The following STC1 variants were observed in gnomAD, a reference collection of about 807,000 sequenced individuals.
STC1 encodes stanniocalcin-1.
Under a neutral mutation model 22.6 loss-of-function variants are expected in STC1, and 7 were observed. The ratio of observed to expected loss-of-function variants is 0.31; its 90% CI spans 0.18 to 0.58. STC1 has a LOEUF of 0.58. Ranked by LOEUF, STC1 falls within the 20% of genes least tolerant of loss-of-function variation. The probability of loss-of-function intolerance (pLI) is 0.89; values close to 1 mark genes in which losing one functional copy is unlikely to be tolerated. For missense variants in STC1, 224 were observed against 311.0 expected, an observed-to-expected ratio of 0.72 and a Z score of 2.10; for synonymous variants, 113 against 120.7, an observed-to-expected ratio of 0.94 and a Z score of 0.42.
In STC1 at chr8:23,854,711, TGCTGCTGCTGCCGCC is replaced by T; in HGVS notation, c.-203_-189del. 1 of 682,020 alleles carries T rather than the reference TGCTGCTGCTGCCGCC, an allele frequency of 1.5e-6. No homozygotes were observed. The highest frequency in any genetic ancestry group is 2.7e-6 in the Non-Finnish European group (1 of 371,972). 42.2% of individuals were successfully genotyped at this position (682,020 alleles called of 1,614,324 possible). ...CTGCTGCCACCGGTGCCTCCGCTGC[TGCTGCTGCTGCCGCC>T]GCTGCTGCTGCTGCTGCCACCGCCG... On this transcript the variant is annotated 5_prime_UTR_variant, in exon 1 of 4. Transcript: ENST00000290271.
rs1044897348 is a variant in STC1 at position 23,842,949 on chromosome 8, G to C, written c.*1821C>G. 2 of 152,768 alleles carry C rather than the reference G, an allele frequency of 1.3e-5. No individual in the cohort carries two copies. Among genetic ancestry groups the C allele is most frequent in the Non-Finnish European group, 2.9e-5 (2 of 68,086 alleles). The allele number at this position is 152,768 out of a possible 1,614,324, so 9.5% of individuals were successfully genotyped here. On this transcript the variant is annotated 3_prime_UTR_variant, in exon 4 of 4. Transcript: ENST00000290271. ...GTTTTAAAGGCTTTATGGTAAAGTT[G>C]TATTGCTTTTCATTTTTCTGGAGAT...
Position 23,844,765 on chromosome 8 carries a change from C to G in STC1, c.*5G>C, listed in dbSNP as rs758551975. 1 of 1,612,450 alleles carries G rather than the reference C, an allele frequency of 6.2e-7. No homozygotes were observed. Among genetic ancestry groups the G allele is most frequent in the East Asian group, 2.2e-5 (1 of 44,824 alleles). On this transcript the variant is annotated 3_prime_UTR_variant, in exon 4 of 4. Coordinates refer to ENST00000290271, the MANE Select transcript of STC1 (RefSeq NM_003155.3). ...TTGGTGAGGTTGTGAATAACCTCTC[C>G]CTGGTTATGCACTCTCATGGGATGT...
chr8:23,854,466 C>T lies in STC1; in HGVS notation c.58G>A (p.Glu20Lys). The change falls in exon 1 of 4, where the codon GAG (glutamate) becomes AAG (lysine). Residue 20 changes from glutamate (E) to lysine (K), a missense_variant. Coordinates refer to ENST00000290271, the MANE Select transcript of STC1 (RefSeq NM_003155.3). ...VLVISASATH[E>K]AEQNDSVSPR... Reference sequence around the variant, plus strand: ...CTCACAGAGTCATTCTGCTCCGCCTCATGGGTTGCAGAAGCACTGATCACC... The same window carrying T: ...CTCACAGAGTCATTCTGCTCCGCCTTATGGGTTGCAGAAGCACTGATCACC... The T allele has an allele frequency of 1.2e-6, 2 of 1,614,152 alleles. No homozygotes were observed. The highest frequency in any genetic ancestry group is 2.2e-5 in the East Asian group (1 of 44,876).
At chr8:23,854,127 C>A in intron 1 of STC1, 2 of 1,255,956 alleles carry the variant, frequency 1.6e-6, no homozygotes, top group Non-Finnish European at 2.0e-6. Context: ...CACCCCTCCC[C>A]CTCCAAGAGG....
chr8:23,854,580 C>G lies in STC1; in HGVS notation c.-57G>C, dbSNP rs1243718719. The G allele has an allele frequency of 1.5e-6, 2 of 1,364,272 alleles. No individual in the cohort carries two copies. The highest frequency in any genetic ancestry group is 2.9e-5 in the African/African-American group (2 of 69,656). 84.5% of individuals were successfully genotyped at this position (1,364,272 alleles called of 1,614,324 possible). A position where few individuals can be genotyped will look rare whatever the true frequency, so the allele number is the denominator to read the frequency against. On this transcript the variant is annotated 5_prime_UTR_variant, in exon 1 of 4. Transcript: ENST00000290271. ...TTTTTTTTTTTCCTGCCCCCCTTTC[C>G]TCTTTCCCTCTCCTGGCTTGAGTGA...
Position 23,854,553 on chromosome 8 carries a change from GTTT to G in STC1, c.-33_-31del, listed in dbSNP as rs5890129. The G allele has an allele frequency of 1.1e-5, 15 of 1,327,010 alleles. No individual in the cohort carries two copies. Among genetic ancestry groups the G allele is most frequent in the Non-Finnish European group, 1.5e-5 (14 of 963,892 alleles). The allele number at this position is 1,327,010 out of a possible 1,614,324, so 82.2% of individuals were successfully genotyped here. On this transcript the variant is annotated 5_prime_UTR_variant, in exon 1 of 4. Coordinates refer to ENST00000290271, the MANE Select transcript of STC1 (RefSeq NM_003155.3). ...TGAGAAGTTTCCGCTAAGTTGTTGGGTTTTTTTTTTTTCCTGCCCCCCTTTCCT... is the reference window on the plus strand; with the variant it reads ...TGAGAAGTTTCCGCTAAGTTGTTGGGTTTTTTTTTCCTGCCCCCCTTTCCT...
rs950120529 is a variant in STC1 at position 23,854,748 on chromosome 8, G to A, written c.-225C>T. ...CGCCGCTGCTGCTGCTGCTGCCACC[G>A]CCGCTGCTGCTGCTGCTGCTGCAGT... On this transcript the variant is annotated 5_prime_UTR_variant, in exon 1 of 4. Coordinates refer to ENST00000290271, the MANE Select transcript of STC1 (RefSeq NM_003155.3). 7.8e-6 allele frequency: 5 copies of A among 643,896 alleles called. No homozygotes were observed. The highest frequency in any genetic ancestry group is 2.8e-4 in the Middle Eastern group (1 of 3,578). The allele number at this position is 643,896 out of a possible 1,614,324, so 39.9% of individuals were successfully genotyped here.
At chr8:23,847,996 T>C (rs1216859274) in intron 3 of STC1, among the ~76,000 whole-genome samples, 1 of 152,226 alleles carries the variant, frequency 6.6e-6, no homozygotes, top group Non-Finnish European at 1.5e-5. Flanking sequence ...ACATGAGTTC[T>C]AAGCCCAACT....
At chr8:23,848,744 A>G (rs944315774) in intron 3 of STC1, among the ~76,000 whole-genome samples, 2 of 151,702 alleles carry the variant, frequency 1.3e-5, no homozygotes, top group African/African-American at 4.8e-5. Flanking sequence ...GATATTCTCC[A>G]TAGCTACTGT....
intron 1 of STC1, among the ~76,000 whole-genome samples, chr8:23,853,237 C>T (rs554075058): frequency 1.3e-5 from 2 of 152,304 alleles, no homozygotes; most frequent in South Asian, 2.1e-4. Flanking sequence ...GAATGATCTG[C>T]AGCCTTCATG....
intron 3 of STC1, 114 bp downstream of exon 3, chr8:23,851,206 A>C: frequency 9.9e-7 from 1 of 1,011,496 alleles, no homozygotes; most frequent in Non-Finnish European, 1.5e-6. Flanking sequence ...GGAAGACTGC[A>C]AGCTAAAATA....
Position 23,842,694 on chromosome 8 carries a change from G to A in STC1, c.*2076C>T, listed in dbSNP as rs956592542. The A allele has an allele frequency of 6.6e-6, 1 of 152,398 alleles. No individual in the cohort carries two copies. The highest frequency in any genetic ancestry group is 6.6e-5 in the Admixed American group (1 of 15,248). 9.4% of individuals were successfully genotyped at this position (152,398 alleles called of 1,614,324 possible). Reference sequence around the variant, plus strand: ...TGGGGGTGGGAAGTGTGGGAGGGAGGGGAAGAGTCTAACTTAGAATATGGT... The same window carrying A: ...TGGGGGTGGGAAGTGTGGGAGGGAGAGGAAGAGTCTAACTTAGAATATGGT... On this transcript the variant is annotated 3_prime_UTR_variant, in exon 4 of 4. Transcript: ENST00000290271.
chr8:23,844,920 C>G lies in STC1; in HGVS notation c.594G>C (p.Gln198His). ...PNMASLFHIL[Q>H]TDHCAQTHPR... is the part of the protein sequence containing the mutation. ...GGTGTGTTTGGGCACAGTGGTCTGTCTGCAGGATGTGGAAGAGGCTGGCCA... is the reference window on the plus strand; with the variant it reads ...GGTGTGTTTGGGCACAGTGGTCTGTGTGCAGGATGTGGAAGAGGCTGGCCA... The change falls in exon 4 of 4, where the codon CAG becomes CAC. Residue 198 changes from glutamine (Q) to histidine (H), a missense_variant. Coordinates refer to ENST00000290271, the MANE Select transcript of STC1 (RefSeq NM_003155.3). 6.2e-7 allele frequency: 1 copy of G among 1,614,148 alleles called. No individual in the cohort carries two copies. The highest frequency in any genetic ancestry group is 8.5e-7 in the Non-Finnish European group (1 of 1,180,036).
chr8:23,843,495 C>T lies in STC1; in HGVS notation c.*1275G>A, dbSNP rs936801503. On this transcript the variant is annotated 3_prime_UTR_variant, in exon 4 of 4. Coordinates refer to ENST00000290271, the MANE Select transcript of STC1 (RefSeq NM_003155.3). ...AGACCTAAAGGCTGATTGACTCATT[C>T]CTGATTGATTTAATGGAAAGTCTCC... The T allele has an allele frequency of 2.6e-5, 4 of 152,486 alleles. No individual in the cohort carries two copies. Among genetic ancestry groups the T allele is most frequent in the Non-Finnish European group, 5.9e-5 (4 of 68,032 alleles). 9.4% of individuals were successfully genotyped at this position (152,486 alleles called of 1,614,324 possible). A position where few individuals can be genotyped will look rare whatever the true frequency, so the allele number is the denominator to read the frequency against.
intron 3 of STC1, among the ~76,000 whole-genome samples, chr8:23,849,622 C>G (rs1380185426): frequency 6.6e-6 from 1 of 152,138 alleles, no homozygotes; most frequent in Non-Finnish European, 1.5e-5. Flanking sequence ...GACCTCTCTG[C>G]CTTTCTAATG....
intron 3 of STC1, 69 bp from the exon 4 acceptor site, chr8:23,845,109 C>T (rs1387726583): frequency 2.4e-5 from 37 of 1,538,736 alleles, no homozygotes; most frequent in Admixed American, 3.4e-5. Context: ...GGCTTTCACC[C>T]GGGCTCTAGC....
chr8:23,854,792 T>C lies in STC1; in HGVS notation c.-269A>G. ...CTGCAGTCGCTGCTTCTTGCACCTCTGGCTTTTGCAAACTGGGGGCCCAAG... is the reference window on the plus strand; with the variant it reads ...CTGCAGTCGCTGCTTCTTGCACCTCCGGCTTTTGCAAACTGGGGGCCCAAG... On this transcript the variant is annotated 5_prime_UTR_variant, in exon 1 of 4. Transcript: ENST00000290271. 3 of 542,068 alleles carry C rather than the reference T, an allele frequency of 5.5e-6. No individual in the cohort carries two copies. The highest frequency in any genetic ancestry group is 1.7e-5 in the South Asian group (1 of 58,182). The allele number at this position is 542,068 out of a possible 1,614,324, so 33.6% of individuals were successfully genotyped here.
At chr8:23,850,526 A>C (rs1242717761) in intron 3 of STC1, among the ~76,000 whole-genome samples, 1 of 152,188 alleles carries the variant, frequency 6.6e-6, no homozygotes, top group Non-Finnish European at 1.5e-5. Flanking sequence ...GGCCACGCAC[A>C]TGAACTGAGG....
intron 1 of STC1, 113 bp from the exon 2 acceptor site, chr8:23,852,497 G>T (rs140955376): frequency 1.8e-5 from 22 of 1,223,204 alleles, no homozygotes; most frequent in Admixed American, 7.4e-5. Context: ...ACTTATCCTA[G>T]GAATCTGTCA....
Sources: gnomAD v4.1 joint callset for allele counts (sites outside exome capture counted in the v4.1 genomes callset) on GRCh38, gnomAD v4.1.1 for gene constraint, MANE v1.5 for transcripts, NCBI Gene and HGNC (gene_info 2026-07-23, HGNC 2026-07-21) for gene names.